The following RMST variants were observed in gnomAD, a reference collection of about 807,000 sequenced individuals.
The protein encoded by RMST is rhabdomyosarcoma 2 associated transcript.
At chr12:97,499,657 C>CTTTT (rs540776298) in intron 10 of RMST, among the ~76,000 whole-genome samples, 48 of 131,914 alleles carry the variant, frequency 3.6e-4, no homozygotes, top group African/African-American at 1.1e-3. Context: ...TTTTTTCTTT[C>CTTTT]TTTTTTTTTT....
chr12:97,538,785 A>G (rs1882287644), intron 11 of RMST, among the ~76,000 whole-genome samples: 1 of 151,444 alleles, frequency 6.6e-6, no homozygotes, highest in African/African-American at 2.4e-5. Flanking sequence ...TCTATCCCCA[A>G]AGTTTTGTGT....
intron 11 of RMST, among the ~76,000 whole-genome samples, chr12:97,542,613 A>AAAC (rs1422436824): frequency 1.3e-5 from 2 of 151,912 alleles, no homozygotes; most frequent in African/African-American, 4.8e-5. Context: ...CCAAACCCCA[A>AAAC]AACACATAGA....
intron 5 of RMST, among the ~76,000 whole-genome samples, chr12:97,473,876 G>T (rs1874214442): frequency 6.6e-6 from 1 of 152,064 alleles, no homozygotes; most frequent in African/African-American, 2.4e-5. Context: ...TGACATTTTT[G>T]CCCTTAGTTA....
intron 10 of RMST, among the ~76,000 whole-genome samples, chr12:97,507,833 A>C (rs1224485709): frequency 6.6e-6 from 1 of 152,188 alleles, no homozygotes; most frequent in Non-Finnish European, 1.5e-5. Flanking sequence ...AGAATGAATG[A>C]AAGCATGGAA....
intron 7 of RMST, chr12:97,493,391 A>G: frequency 6.6e-6 from 1 of 152,620 alleles, no homozygotes; most frequent in East Asian, 1.9e-4. Flanking sequence ...CTGTACTGTA[A>G]AAGAATTAGT....
chr12:97,494,019 G>T (rs1877137885), intron 8 of RMST: 1 of 152,192 alleles, frequency 6.6e-6, no homozygotes. Context: ...GATTTATTGT[G>T]AATTGGCTTC....
chr12:97,485,667 G>A (rs1167373982), intron 5 of RMST, among the ~76,000 whole-genome samples: 1 of 152,190 alleles, frequency 6.6e-6, no homozygotes, highest in African/African-American at 2.4e-5. Context: ...ATTATTACCA[G>A]CATTTTATAA....
At chr12:97,524,075 C>CAAAAAAAAAAAAAAAAAAAAAAAAAA (rs537840796) in intron 10 of RMST, among the ~76,000 whole-genome samples, 5 of 56,128 alleles carry the variant, frequency 8.9e-5, no homozygotes, top group African/African-American at 1.5e-4. Context: ...GACTCTGTCT[C>CAAAAAAAAAAAAAAAAAAAAAAAAAA]AAAAAAAAAA....
chr12:97,555,528 C>T (rs1050259563), intron 11 of RMST, among the ~76,000 whole-genome samples: 10 of 152,164 alleles, frequency 6.6e-5, no homozygotes, highest in Admixed American at 2.0e-4. Flanking sequence ...GCCACAATTT[C>T]CTAGATTTCA....
At chr12:97,527,529 C>T (rs140120488) in intron 10 of RMST, among the ~76,000 whole-genome samples, 221 of 152,212 alleles carry the variant, frequency 1.5e-3, no homozygotes, top group African/African-American at 5.0e-3. Context: ...AGTAAGAGTG[C>T]TAAGAAAAGT....
intron 10 of RMST, among the ~76,000 whole-genome samples, chr12:97,516,412 A>G (rs1359680573): frequency 6.6e-6 from 1 of 152,082 alleles, no homozygotes; most frequent in Non-Finnish European, 1.5e-5. Flanking sequence ...TAGGTTTGGC[A>G]AAACTGTTCA....
chr12:97,544,497 G>A (rs530817073), intron 11 of RMST, among the ~76,000 whole-genome samples: 54 of 152,068 alleles, frequency 3.6e-4, no homozygotes, highest in African/African-American at 1.2e-3. Context: ...TGGACAGTAC[G>A]TTCAATGTAA....
At chr12:97,512,852 G>A (rs1414600929) in intron 10 of RMST, among the ~76,000 whole-genome samples, 1 of 151,866 alleles carries the variant, frequency 6.6e-6, no homozygotes, top group Non-Finnish European at 1.5e-5. Flanking sequence ...GTGTCGGGGA[G>A]GCTCCGGGCT....
At chr12:97,547,689 T>A (rs1162260641) in intron 11 of RMST, among the ~76,000 whole-genome samples, 1 of 152,192 alleles carries the variant, frequency 6.6e-6, no homozygotes, top group African/African-American at 2.4e-5. Flanking sequence ...TTCGTCTGTC[T>A]TCTTTTGAGA....
intron 11 of RMST, among the ~76,000 whole-genome samples, chr12:97,556,560 T>C (rs530330830): frequency 6.6e-6 from 1 of 152,338 alleles, no homozygotes; most frequent in African/African-American, 2.4e-5. Flanking sequence ...TGGGGAGATA[T>C]CAGTGTTTCC....
At chr12:97,494,547 A>G (rs1877202336) in intron 8 of RMST, 1 of 152,146 alleles carries the variant, frequency 6.6e-6, no homozygotes, top group African/African-American at 2.4e-5. Context: ...CCACATCGCT[A>G]TAAATAAAAT....
chr12:97,532,932 A>G (rs1051982579), intron 11 of RMST: 3 of 151,796 alleles, frequency 2.0e-5, no homozygotes, highest in Non-Finnish European at 4.4e-5. Context: ...GCCAGAGCTG[A>G]ATTATTCTGC....
At chr12:97,547,370 C>G (rs999606523) in intron 11 of RMST, among the ~76,000 whole-genome samples, 2 of 151,856 alleles carry the variant, frequency 1.3e-5, no homozygotes, top group Non-Finnish European at 2.9e-5. Flanking sequence ...CTCTTTGACT[C>G]TTTGACATAT....
intron 5 of RMST, among the ~76,000 whole-genome samples, chr12:97,482,795 T>TTTATTTATTAAATAAATTTATA (rs1875570282): frequency 6.9e-6 from 1 of 145,412 alleles, no homozygotes; most frequent in African/African-American, 2.5e-5. Flanking sequence ...ATTTATATTA[T>TTTATTTATTAAATAAATTTATA]TTATTTATTA....
Sources: gnomAD v4.1 joint callset for allele counts (sites outside exome capture counted in the v4.1 genomes callset) on GRCh38, gnomAD v4.1.1 for gene constraint, MANE v1.5 for transcripts, NCBI Gene and HGNC (gene_info 2026-07-23, HGNC 2026-07-21) for gene names.